The following KAZN variants were observed in gnomAD, a reference collection of about 807,000 sequenced individuals.
KAZN encodes the protein kazrin.
A neutral mutation model predicts 87.4 loss-of-function variants in KAZN; 40 were observed. That is an observed-to-expected ratio of 0.46 (90% CI 0.36 to 0.60). The LOEUF (loss-of-function observed/expected upper bound fraction) is 0.60, where lower values mean the gene tolerates loss of function less well. Ranked by LOEUF, KAZN falls within the 20% of genes least tolerant of loss-of-function variation. The pLI is 0.00. For missense variants in KAZN, 898 were observed against 1,073.9 expected (o/e 0.84, Z 2.29); for synonymous variants, 466 against 458.3 (o/e 1.02, Z -0.22).
chr1:14,831,296 C>G (rs1471212210), intron 1 of KAZN, among the ~76,000 whole-genome samples: 2 of 152,228 alleles, frequency 1.3e-5, no homozygotes, highest in East Asian at 3.9e-4. Context: ...CAGGATGGAA[C>G]TGCTTCTAAC....
At chr1:15,023,785 C>G (rs749126124) in intron 2 of KAZN, among the ~76,000 whole-genome samples, 20 of 151,818 alleles carry the variant, frequency 1.3e-4, no homozygotes, top group Non-Finnish European at 2.4e-4. Context: ...GGGGACACAG[C>G]CCGGGTGGGT....
chr1:14,164,534 CTTTTTT>C (rs1168650321), intron 1 of KAZN, among the ~76,000 whole-genome samples: 6 of 93,780 alleles, frequency 6.4e-5, no homozygotes, highest in African/African-American at 1.7e-4. Context: ...TGAGTTTCCT[CTTTTTT>C]TTTTTTTTTT....
chr1:14,220,451 TTC>T (rs1260887837), intron 2 of KAZN, among the ~76,000 whole-genome samples: 2 of 152,172 alleles, frequency 1.3e-5, no homozygotes, highest in African/African-American at 2.4e-5. Context: ...CAGCTTCTAT[TTC>T]TCTGTGTCGA....
At chr1:14,025,904 A>G (rs1164527734) in intron 1 of KAZN, among the ~76,000 whole-genome samples, 1 of 152,120 alleles carries the variant, frequency 6.6e-6, no homozygotes, top group Non-Finnish European at 1.5e-5. Context: ...CTGTTTAGAG[A>G]CTATAGACTC....
chr1:14,019,295 T>C (rs1640715692), intron 1 of KAZN, among the ~76,000 whole-genome samples: 2 of 152,114 alleles, frequency 1.3e-5, no homozygotes, highest in Admixed American at 6.5e-5. Context: ...CAATACCCTA[T>C]GATAAATCCC....
chr1:14,551,077 A>G (rs185440522), intron 2 of KAZN, among the ~76,000 whole-genome samples: 56 of 152,290 alleles, frequency 3.7e-4, no homozygotes, highest in African/African-American at 1.3e-3. Context: ...TACATGAATC[A>G]GAATAGTCAT....
At chr1:14,450,090 G>C (rs1008630135) in intron 2 of KAZN, among the ~76,000 whole-genome samples, 34 of 148,534 alleles carry the variant, frequency 2.3e-4, no homozygotes, top group African/African-American at 8.1e-4. Context: ...GCATGCTCTG[G>C]GAGCTTCAGG....
At chr1:14,304,969 A>C (rs1397872612) in intron 2 of KAZN, among the ~76,000 whole-genome samples, 3 of 151,884 alleles carry the variant, frequency 2.0e-5, no homozygotes, top group Non-Finnish European at 4.4e-5. Context: ...ATTTTAAATA[A>C]GAAGATAGAT....
At chr1:14,709,201 G>A (rs939130635) in intron 1 of KAZN, among the ~76,000 whole-genome samples, 2 of 152,172 alleles carry the variant, frequency 1.3e-5, no homozygotes, top group African/African-American at 4.8e-5. Flanking sequence ...AGCAAATAGA[G>A]AGCTGAGATC....
chr1:14,717,306 C>T lies in KAZN; in HGVS notation c.226+118083C>T, dbSNP rs755541556. ...CAGGTGCTGGGAATGTGTTGATGAA[C>T]GAGAAAGACACATCTCTACCCTCAT... On this transcript the variant is annotated intron_variant, in intron 1 of 14. Coordinates refer to ENST00000376030, the MANE Select transcript of KAZN (RefSeq NM_201628.3). Among the ~76,000 whole-genome samples the T allele has an allele frequency of 2.4e-4, 36 of 151,928 alleles. 2 individuals carry two copies. The highest frequency in any genetic ancestry group is 3.4e-3 in the Middle Eastern group (1 of 294).
intron 1 of KAZN, among the ~76,000 whole-genome samples, chr1:13,933,718 C>T (rs1051567584): frequency 1.6e-4 from 25 of 152,150 alleles, no homozygotes; most frequent in African/African-American, 5.8e-4. Flanking sequence ...AATCATTCAT[C>T]GAGTACTTGC....
At chr1:14,760,009 C>T (rs1329016266) in intron 1 of KAZN, among the ~76,000 whole-genome samples, 2 of 152,080 alleles carry the variant, frequency 1.3e-5, no homozygotes, top group Non-Finnish European at 2.9e-5. Context: ...GTGACTGACC[C>T]ACCTGTGAGT....
intron 2 of KAZN, among the ~76,000 whole-genome samples, chr1:14,514,397 T>TATATTATATATATAAA (rs1553182466): frequency 9.9e-5 from 1 of 10,152 alleles, no homozygotes; most frequent in East Asian, 1.0e-3. Flanking sequence ...TTATATATAT[T>TATATTATATATATAAA]TATATATATA....
At chr1:14,727,213 T>C (rs1390814388) in intron 1 of KAZN, among the ~76,000 whole-genome samples, 3 of 152,160 alleles carry the variant, frequency 2.0e-5, no homozygotes. Context: ...AACCCAGCAC[T>C]GGGCAGGGAG....
At chr1:14,104,180 G>A (rs2101652684) in intron 1 of KAZN, among the ~76,000 whole-genome samples, 1 of 152,292 alleles carries the variant, frequency 6.6e-6, no homozygotes, top group South Asian at 2.1e-4. Flanking sequence ...CACAGCTTGT[G>A]GCCTCATTGC....
chr1:15,089,646 C>T (rs1203514128), intron 8 of KAZN, among the ~76,000 whole-genome samples: 1 of 140,610 alleles, frequency 7.1e-6, no homozygotes, highest in Non-Finnish European at 1.5e-5. Context: ...TGGGAGTAAG[C>T]ATAAATGGAT....
chr1:14,994,683 G>A (rs6697400), intron 2 of KAZN, among the ~76,000 whole-genome samples: 9,166 of 152,284 alleles, frequency 0.06, 913 homozygotes, highest in African/African-American at 0.21. Context: ...GCAGTGCCAC[G>A]TGGGGAGTGG....
At chr1:15,050,081 TAC>T (rs1301603783) in intron 4 of KAZN, among the ~76,000 whole-genome samples, 18 of 82,548 alleles carry the variant, frequency 2.2e-4, no homozygotes, top group South Asian at 9.0e-4. Flanking sequence ...TAGAGTAGAG[TAC>T]AGTAGAGTAC....
chr1:14,296,038 A>G (rs1270906698), intron 2 of KAZN, among the ~76,000 whole-genome samples: 2 of 152,184 alleles, frequency 1.3e-5, no homozygotes, highest in African/African-American at 4.8e-5. Context: ...ATAAAATCAT[A>G]GTACCTACCT....
Sources: gnomAD v4.1 joint callset for allele counts (sites outside exome capture counted in the v4.1 genomes callset) on GRCh38, gnomAD v4.1.1 for gene constraint, MANE v1.5 for transcripts, NCBI Gene and HGNC (gene_info 2026-07-23, HGNC 2026-07-21) for gene names.